ACTR3C: variants seen among roughly 807,000 people sequenced by gnomAD.
The protein encoded by ACTR3C is actin related protein 3C.
In ACTR3C, 18 loss-of-function variants were observed where a neutral mutation model predicts 26.3. The observed-to-expected ratio is 0.68, with a 90% CI of 0.47 to 1.01. ACTR3C has a LOEUF of 1.01. ACTR3C is among the 50% of genes least tolerant of loss of function. The pLI, the probability that ACTR3C is intolerant of heterozygous loss-of-function variation, is 0.00. For missense variants in ACTR3C, 184 were observed against 250.7 expected (o/e 0.73, Z 1.80); for synonymous variants, 55 against 94.5 (o/e 0.58, Z 2.42).
chr7:150,151,820 G>A, the ACTR3C span, among the ~76,000 whole-genome samples: 1 of 137,348 alleles, frequency 7.3e-6, no homozygotes, highest in Non-Finnish European at 1.6e-5. Flanking sequence ...CATGGCACAT[G>A]TATACATATG....
chr7:150,130,713 G>C, the ACTR3C span, among the ~76,000 whole-genome samples: 1 of 152,154 alleles, frequency 6.6e-6, no homozygotes, highest in African/African-American at 2.4e-5. Flanking sequence ...AATTAGCTAA[G>C]AACAGGAAAC....
In ACTR3C at chr7:150,322,340, A is replaced by T. The variant is rs138513963; in HGVS notation, c.-52+1129T>A. 7.2e-3 allele frequency among the ~76,000 whole-genome samples: 1,096 copies of T among 152,384 alleles called. 12 individuals carry two copies. Among genetic ancestry groups the T allele is most frequent in the African/African-American group, 0.025 (1,044 of 41,602 alleles). ...AGAAGGTTGGCACAAGATACAGGTC[A>T]TACAGACCTTGCTGATAAAACAGGT... On this transcript the variant is annotated intron_variant, in intron 1 of 7. Transcript: ENST00000683684.
chr7:150,192,109 T>C, the ACTR3C span, among the ~76,000 whole-genome samples: 1 of 151,144 alleles, frequency 6.6e-6, no homozygotes, highest in African/African-American at 2.4e-5. Flanking sequence ...TTTTTATATA[T>C]TGCTGGATTG....
the ACTR3C span, among the ~76,000 whole-genome samples, chr7:149,984,211 T>TC: frequency 1.3e-5 from 2 of 151,688 alleles, no homozygotes; most frequent in Admixed American, 6.6e-5. Flanking sequence ...CTTTTTTTTT[T>TC]TTCTTTTTTT....
chr7:149,965,586 T>C, the ACTR3C span, among the ~76,000 whole-genome samples: 1 of 151,990 alleles, frequency 6.6e-6, no homozygotes, highest in Non-Finnish European at 1.5e-5. Context: ...GAAAAGGCCT[T>C]TGAGATCATC....
the ACTR3C span, among the ~76,000 whole-genome samples, chr7:149,944,190 C>G: frequency 6.6e-6 from 1 of 151,798 alleles, no homozygotes. Flanking sequence ...TCCCATGCTC[C>G]TGGGTTTCTG....
chr7:150,234,182 T>C, the ACTR3C span, among the ~76,000 whole-genome samples: 1 of 152,132 alleles, frequency 6.6e-6, no homozygotes, highest in African/African-American at 2.4e-5. Flanking sequence ...AAGGTTGGCA[T>C]AGGGGAAGTA....
At chr7:150,262,294 G>A (rs2129610129) in intron 6 of ACTR3C, among the ~76,000 whole-genome samples, 2 of 152,238 alleles carry the variant, frequency 1.3e-5, no homozygotes, top group Non-Finnish European at 2.9e-5. Flanking sequence ...ATGAAACTAT[G>A]CAAATCAAAG....
At chr7:150,157,619 A>G in the ACTR3C span, among the ~76,000 whole-genome samples, 1 of 152,116 alleles carries the variant, frequency 6.6e-6, no homozygotes, top group East Asian at 1.9e-4. Context: ...TTTAGGAACT[A>G]CAATTTCCTG....
At chr7:150,197,603 G>A in the ACTR3C span, among the ~76,000 whole-genome samples, 1 of 152,148 alleles carries the variant, frequency 6.6e-6, no homozygotes, top group African/African-American at 2.4e-5. Flanking sequence ...TTAAGTTAAT[G>A]CTTGTTAGTC....
Position 150,274,513 on chromosome 7 carries a change from G to A in ACTR3C, c.564+10240C>T, listed in dbSNP as rs962993467. ...ACCATTCACTTCACTGGGATGGTCC[G>A]AAACTGAACCCACAAAATCTCCAAG... On this transcript the variant is annotated intron_variant, in intron 6 of 7. Transcript: ENST00000683684. This position sits in a 1 kb window ranked among gnomAD's most constrained non-coding sequence, Gnocchi z 4.1. 5.3e-5 allele frequency among the ~76,000 whole-genome samples: 8 copies of A among 152,196 alleles called. No individual in the cohort carries two copies. The highest frequency in any genetic ancestry group is 1.9e-4 in the African/African-American group (8 of 41,440).
the ACTR3C span, among the ~76,000 whole-genome samples, chr7:150,177,703 T>C: frequency 1.1e-3 from 163 of 151,056 alleles, 13 homozygotes; most frequent in African/African-American, 3.9e-3. Flanking sequence ...GTACATTTTA[T>C]ATTCAAATGC....
the ACTR3C span, among the ~76,000 whole-genome samples, chr7:149,996,702 T>C: frequency 6.7e-6 from 1 of 149,876 alleles, no homozygotes; most frequent in South Asian, 2.1e-4. Context: ...TATTTCAGTA[T>C]CCAATGGCAT....
At chr7:150,039,412 T>A in the ACTR3C span, among the ~76,000 whole-genome samples, 1 of 48,632 alleles carries the variant, frequency 2.1e-5, no homozygotes, top group Non-Finnish European at 4.6e-5. Context: ...AGGGACTGGC[T>A]CTCAGTCCCT....
At chr7:150,083,224 G>A in the ACTR3C span, among the ~76,000 whole-genome samples, 1 of 151,454 alleles carries the variant, frequency 6.6e-6, no homozygotes, top group African/African-American at 2.4e-5. Flanking sequence ...GGGATTATAA[G>A]TGTGAGCCAC....
intron 1 of ACTR3C, among the ~76,000 whole-genome samples, chr7:150,315,855 T>C (rs1432529632): frequency 5.9e-5 from 9 of 152,102 alleles, no homozygotes; most frequent in Non-Finnish European, 1.3e-4. Flanking sequence ...CTTAACGATG[T>C]ATCCTGAAAA....
At chr7:150,312,537 T>C (rs1796416445) in intron 1 of ACTR3C, among the ~76,000 whole-genome samples, 1 of 152,236 alleles carries the variant, frequency 6.6e-6, no homozygotes, top group Non-Finnish European at 1.5e-5. Context: ...AAAGCTAATA[T>C]GCCTGATTAC....
At chr7:150,207,513 A>G in the ACTR3C span, among the ~76,000 whole-genome samples, 1 of 152,166 alleles carries the variant, frequency 6.6e-6, no homozygotes, top group Non-Finnish European at 1.5e-5. Context: ...ATTGAATAGT[A>G]TTCAATATTT....
chr7:149,897,114 C>T, the ACTR3C span, among the ~76,000 whole-genome samples: 1 of 150,618 alleles, frequency 6.6e-6, no homozygotes, highest in East Asian at 1.9e-4. Context: ...TCAGAATATC[C>T]ACAGTATGAC....
Sources: gnomAD v4.1 joint callset for allele counts (sites outside exome capture counted in the v4.1 genomes callset) on GRCh38, gnomAD v4.1.1 for gene constraint, Gnocchi (gnomAD v3.1) non-coding constraint, MANE v1.5 for transcripts, NCBI Gene and HGNC (gene_info 2026-07-23, HGNC 2026-07-21) for gene names.